The following MSRB3 variants were observed in gnomAD, a reference collection of about 807,000 sequenced individuals.
MSRB3 encodes methionine-R-sulfoxide reductase B3.
Under a neutral mutation model 21.0 loss-of-function variants are expected in MSRB3, and 13 were observed. That is an observed-to-expected ratio of 0.62 (90% CI 0.40 to 0.98). The LOEUF is 0.98. MSRB3 is among the 50% of genes least tolerant of loss of function. The probability of loss-of-function intolerance (pLI) is 0.00; values close to 1 mark genes in which losing one functional copy is unlikely to be tolerated. For missense variants in MSRB3, 199 were observed against 230.3 expected, an observed-to-expected ratio of 0.86 and a Z score of 0.88; for synonymous variants, 87 against 88.6, an observed-to-expected ratio of 0.98 and a Z score of 0.10.
intron 5 of MSRB3, among the ~76,000 whole-genome samples, chr12:65,412,251 C>T (rs1880753073): frequency 6.6e-6 from 1 of 152,162 alleles, no homozygotes; most frequent in Admixed American, 6.5e-5. Context: ...AGGTTGCTTT[C>T]ACTGAAAATG....
intron 2 of MSRB3, among the ~76,000 whole-genome samples, chr12:65,323,912 A>G (rs1874850951): frequency 6.6e-6 from 1 of 152,208 alleles, no homozygotes; most frequent in South Asian, 2.1e-4. Context: ...GATATTTATT[A>G]AAATCTGACC....
chr12:65,432,564 C>T (rs995341452), intron 5 of MSRB3, among the ~76,000 whole-genome samples: 3 of 152,004 alleles, frequency 2.0e-5, no homozygotes, highest in Non-Finnish European at 4.4e-5. Flanking sequence ...TGGATTGACT[C>T]ACCTTTTTAG....
intron 5 of MSRB3, among the ~76,000 whole-genome samples, chr12:65,382,324 C>T (rs1303231588): frequency 3.4e-5 from 5 of 147,476 alleles, no homozygotes; most frequent in African/African-American, 1.2e-4. Flanking sequence ...AGGTCCTCCC[C>T]AGTCAATCAA....
intron 4 of MSRB3, among the ~76,000 whole-genome samples, chr12:65,349,456 T>C (rs886155205): frequency 2.0e-5 from 3 of 151,684 alleles, no homozygotes; most frequent in African/African-American, 7.3e-5. Context: ...ATGGTATTTC[T>C]AGTTCTAGAT....
At chr12:65,443,685 T>G (rs550755464) in intron 5 of MSRB3, among the ~76,000 whole-genome samples, 24 of 152,234 alleles carry the variant, frequency 1.6e-4, no homozygotes, top group African/African-American at 5.1e-4. Context: ...TTTTTTCTGA[T>G]TTTTTATTGT....
chr12:65,342,203 T>G (rs971660945), intron 4 of MSRB3, among the ~76,000 whole-genome samples: 1 of 149,576 alleles, frequency 6.7e-6, no homozygotes, highest in South Asian at 2.1e-4. Context: ...GAGTATATTA[T>G]TAAAAAAAAA....
At chr12:65,392,123 A>G (rs1394624293) in intron 5 of MSRB3, among the ~76,000 whole-genome samples, 1 of 152,174 alleles carries the variant, frequency 6.6e-6, no homozygotes, top group African/African-American at 2.4e-5. Flanking sequence ...AAATTATGTG[A>G]GGAATTTTTT....
intron 5 of MSRB3, among the ~76,000 whole-genome samples, chr12:65,416,400 G>A (rs1216214915): frequency 1.3e-5 from 2 of 152,186 alleles, no homozygotes; most frequent in East Asian, 1.9e-4. Flanking sequence ...GTGATCCCAT[G>A]TAACAATGTA....
At chr12:65,345,257 C>T (rs1047375290) in intron 4 of MSRB3, among the ~76,000 whole-genome samples, 4 of 152,034 alleles carry the variant, frequency 2.6e-5, no homozygotes, top group African/African-American at 9.7e-5. Context: ...ATATTTGTTT[C>T]ATCAGACCAT....
At chr12:65,356,053 C>T (rs933295365) in intron 4 of MSRB3, among the ~76,000 whole-genome samples, 4 of 151,860 alleles carry the variant, frequency 2.6e-5, no homozygotes, top group Admixed American at 2.6e-4. Flanking sequence ...TCTTTTCATG[C>T]TTTCCAGATT....
chr12:65,460,333 C>T (rs1027008436), intron 6 of MSRB3, among the ~76,000 whole-genome samples: 3 of 152,188 alleles, frequency 2.0e-5, no homozygotes, highest in Non-Finnish European at 4.4e-5. Flanking sequence ...GCTCCGTGCG[C>T]GTACTCTCAG....
At chr12:65,453,589 C>A in intron 5 of MSRB3, 139 bp from the exon 6 acceptor site, 2 of 725,322 alleles carry the variant, frequency 2.8e-6, no homozygotes, top group South Asian at 1.5e-5. Context: ...CAGCTTTTGA[C>A]CTTTCTTTTT....
rs112480936 is a variant in MSRB3, at chr12:65,278,880, C to G, written c.-52+15C>G. 4 of 1,552,310 alleles carry G rather than the reference C, an allele frequency of 2.6e-6. No individual in the cohort carries two copies. The highest frequency in any genetic ancestry group is 3.5e-6 in the Non-Finnish European group (4 of 1,147,276). ...TGCGCAGTCCGGTAAGTTCGGGCTC[C>G]CCTCCCCTCTCCTCCTCGCCTCACC... On this transcript the variant is annotated intron_variant, in intron 1 of 6. Coordinates refer to ENST00000308259, the MANE Select transcript of MSRB3 (RefSeq NM_001031679.3).
chr12:65,352,388 C>T (rs1339450883), intron 4 of MSRB3, among the ~76,000 whole-genome samples: 1 of 149,946 alleles, frequency 6.7e-6, no homozygotes, highest in Non-Finnish European at 1.5e-5. Context: ...GAAGCATTCC[C>T]TTTGAAAACT....
intron 5 of MSRB3, 133 bp from the exon 6 acceptor site, chr12:65,453,594 CT>C (rs1882954493): frequency 1.3e-6 from 1 of 746,402 alleles, no homozygotes. Flanking sequence ...TTTGACCTTT[CT>C]TTTTTCAGGT....
At chr12:65,363,400 G>A (rs1222277574) in intron 4 of MSRB3, among the ~76,000 whole-genome samples, 4 of 152,244 alleles carry the variant, frequency 2.6e-5, no homozygotes, top group African/African-American at 7.2e-5. Context: ...TTGTCCAGGA[G>A]TATACAGCTG....
Position 65,326,900 on chromosome 12 carries a change from C to CAGTA in MSRB3, c.152_155dup (p.Tyr52Ter). On this transcript the variant is annotated stop_gained and frameshift_variant, in exon 3 of 7. Transcript: ENST00000308259. LOFTEE classifies it high-confidence loss of function. ...ACTGAGGAAGCGGCTAACACCCCTGCAGTACCATGTCACTCAGGAGAAAGG... is the reference window on the plus strand; with the variant it reads ...ACTGAGGAAGCGGCTAACACCCCTGCAGTAAGTACCATGTCACTCAGGAGAAAGG... 6.2e-7 allele frequency: 1 copy of CAGTA among 1,613,810 alleles called. No homozygotes were observed. The highest frequency in any genetic ancestry group is 8.5e-7 in the Non-Finnish European group (1 of 1,179,782).
At chr12:65,317,515 T>C (rs1473357954) in intron 2 of MSRB3, among the ~76,000 whole-genome samples, 1 of 152,228 alleles carries the variant, frequency 6.6e-6, no homozygotes, top group Non-Finnish European at 1.5e-5. Context: ...GATTTGACAG[T>C]GGAACCTTTC....
At chr12:65,426,835 A>G (rs577376479) in intron 5 of MSRB3, among the ~76,000 whole-genome samples, 4 of 151,660 alleles carry the variant, frequency 2.6e-5, no homozygotes, top group Non-Finnish European at 5.9e-5. Flanking sequence ...TTACTTCTCT[A>G]TGGGTTTTAA....
Sources: allele counts gnomAD v4.1 joint callset (sites outside exome capture counted in the v4.1 genomes callset), GRCh38; gene constraint gnomAD v4.1.1; transcripts MANE v1.5; gene names NCBI Gene and HGNC (gene_info 2026-07-23, HGNC 2026-07-21).